ITSN2: variants seen among roughly 807,000 people sequenced by gnomAD.
ITSN2 encodes the protein intersectin 2.
In ITSN2, 156 loss-of-function variants were observed where a neutral mutation model predicts 243.7. The observed-to-expected ratio is 0.64, with a 90% CI of 0.56 to 0.73. The LOEUF (loss-of-function observed/expected upper bound fraction) is 0.73, where lower values mean the gene tolerates loss of function less well. Ranked by LOEUF, ITSN2 falls within the 30% of genes least tolerant of loss-of-function variation. ITSN2 has a pLI of 0.00. For synonymous variants in ITSN2, 703 were observed against 699.9 expected (o/e 1.00, Z -0.07); for missense variants, 1,801 against 1,996.1 (o/e 0.90, Z 1.86).
At chr2:24,314,100 G>C (rs183566161) in intron 3 of ITSN2, among the ~76,000 whole-genome samples, 58 of 152,146 alleles carry the variant, frequency 3.8e-4, no homozygotes, top group South Asian at 2.3e-3. Context: ...TTCCTCTCCT[G>C]TAACACAATC....
At chr2:24,238,852 A>G (rs1279039613) in intron 29 of ITSN2, 1 of 152,222 alleles carries the variant, frequency 6.6e-6, no homozygotes, top group East Asian at 1.9e-4. Context: ...GACATTCCAA[A>G]GACATTTAAT....
intron 2 of ITSN2, among the ~76,000 whole-genome samples, chr2:24,325,388 C>A (rs1328181595): frequency 6.6e-6 from 1 of 152,006 alleles, no homozygotes; most frequent in Non-Finnish European, 1.5e-5. Context: ...CCAACCTGGG[C>A]AACAGAGTGG....
In ITSN2 at chr2:24,350,893, T is replaced by A. The variant is rs1048744266; in HGVS notation, c.-34+9411A>T. ...TGCCATTGGGTATAGGAGGTTCTTTTAAGAACGACGAAAATGTTCTAAAAT... is the reference window on the plus strand; with the variant it reads ...TGCCATTGGGTATAGGAGGTTCTTTAAAGAACGACGAAAATGTTCTAAAAT... On this transcript the variant is annotated intron_variant, in intron 1 of 39. Transcript: ENST00000355123. Among the ~76,000 whole-genome samples, 4 of 152,182 alleles carry A rather than the reference T, an allele frequency of 2.6e-5. 1 individual carries two copies. The South Asian group carries it at 8.3e-4, about 32-fold the overall frequency.
intron 14 of ITSN2, among the ~76,000 whole-genome samples, chr2:24,294,769 T>C (rs1680728493): frequency 6.6e-6 from 1 of 152,220 alleles, no homozygotes; most frequent in East Asian, 1.9e-4. Context: ...GGTCTGAATG[T>C]TGGTATGTCC....
chr2:24,258,631 T>C (rs762635806), intron 22 of ITSN2, among the ~76,000 whole-genome samples: 6 of 152,192 alleles, frequency 3.9e-5, no homozygotes, highest in Admixed American at 6.5e-5. Context: ...CTCCAAGTCT[T>C]CTATTATACC....
intron 1 of ITSN2, among the ~76,000 whole-genome samples, chr2:24,354,232 T>C (rs1688257736): frequency 6.6e-6 from 1 of 152,222 alleles, no homozygotes; most frequent in South Asian, 2.1e-4. Context: ...TGGCCCAAGA[T>C]AAACCACACT....
At chr2:24,243,377 T>C (rs1441170213) in intron 29 of ITSN2, among the ~76,000 whole-genome samples, 1 of 152,110 alleles carries the variant, frequency 6.6e-6, no homozygotes, top group Non-Finnish European at 1.5e-5. Flanking sequence ...TAACATAGAA[T>C]CCAAAACCCC....
At position 24,270,703 on chromosome 2, in the gene ITSN2, C is replaced by T; in HGVS notation, c.2323G>A (p.Glu775Lys). 6.2e-7 allele frequency: 1 copy of T among 1,600,330 alleles called. No homozygotes were observed. The highest frequency in any genetic ancestry group is 1.1e-5 in the South Asian group (1 of 89,934). The stretch of plus-strand genomic sequence containing the variant: ...ATATCTCCAGAATTAAAACTCATCT[C>T]ATCATGGTTCCTTGCTTCAAAGGGG... ...LYPFEARNHD[E>K]MSFNSGDIIQ... Residue 775 changes from glutamate (E) to lysine (K), a missense_variant, in exon 20 of 40, where the codon GAG becomes AAG. Coordinates refer to ENST00000355123, the MANE Select transcript of ITSN2 (RefSeq NM_006277.3).
At chr2:24,287,949 G>A (rs1447000485) in intron 15 of ITSN2, among the ~76,000 whole-genome samples, 1 of 152,064 alleles carries the variant, frequency 6.6e-6, no homozygotes, top group East Asian at 1.9e-4. Context: ...CCACTTATCA[G>A]ATACATGGCT....
chr2:24,332,454 G>A (rs919875950), intron 1 of ITSN2, among the ~76,000 whole-genome samples: 3 of 151,918 alleles, frequency 2.0e-5, no homozygotes, highest in Non-Finnish European at 4.4e-5. Context: ...TAATATTACT[G>A]GCAATAAGGG....
At position 24,275,769 on chromosome 2, in the gene ITSN2, A is replaced by C; in HGVS notation, c.2025T>G (p.Ile675Met). ...YKIKRDKLKEIERKRLELMQK... is the reference protein window; with the variant it reads ...YKIKRDKLKEMERKRLELMQK... ...GCATTAGTTCTAATCTTTTCCTTTCAATTTCCTTCAACTTGTCACGTTTGA... is the reference window on the plus strand; with the variant it reads ...GCATTAGTTCTAATCTTTTCCTTTCCATTTCCTTCAACTTGTCACGTTTGA... Residue 675 changes from isoleucine to methionine, a missense_variant, in exon 18 of 40, where the codon ATT becomes ATG. Physicochemically the swap from Ile to Met is conservative, Grantham distance 10. This residue lies in a region of ITSN2 where 787 missense variants were observed against 803.9 expected (regional missense o/e 0.98). Coordinates refer to ENST00000355123, the MANE Select transcript of ITSN2 (RefSeq NM_006277.3). 3 of 1,612,364 alleles carry C rather than the reference A, an allele frequency of 1.9e-6. No homozygotes were observed. Among genetic ancestry groups the C allele is most frequent in the Non-Finnish European group, 2.5e-6 (3 of 1,178,684 alleles).
At chr2:24,317,708 CTG>C (rs1381341985) in intron 2 of ITSN2, among the ~76,000 whole-genome samples, 9 of 152,358 alleles carry the variant, frequency 5.9e-5, no homozygotes, top group African/African-American at 2.2e-4. Flanking sequence ...ATTGAATTGT[CTG>C]TGTCACCTAT....
intron 1 of ITSN2, among the ~76,000 whole-genome samples, chr2:24,349,118 T>G (rs1321310273): frequency 6.3e-5 from 1 of 15,906 alleles, no homozygotes; most frequent in Non-Finnish European, 1.9e-4. Context: ...ACAATAATCA[T>G]CATCATCATC....
At chr2:24,303,933 A>T (rs928055783) in intron 8 of ITSN2, 71 bp from the exon 9 acceptor site, 1 of 1,037,268 alleles carries the variant, frequency 9.6e-7, no homozygotes, top group African/African-American at 1.6e-5. Flanking sequence ...AATTAGCTGT[A>T]TCTGTAAAAT....
Position 24,334,215 on chromosome 2 carries a change from C to T in ITSN2, c.-33-6100G>A, listed in dbSNP as rs557601680. On this transcript the variant is annotated intron_variant, in intron 1 of 39. Transcript: ENST00000355123. ...CTGGGATTACAGGTGCCCAGCACCG[C>T]GCCCAGCTAATTTTTGTATTATTAG... is the stretch of plus-strand genomic sequence containing the variant. 9.9e-5 allele frequency among the ~76,000 whole-genome samples: 15 copies of T among 152,256 alleles called. No individual in the cohort carries two copies. In the South Asian group the frequency reaches 1.7e-3, roughly 17 times the overall value.
At chr2:24,299,813 AC>A in intron 12 of ITSN2, 95 bp downstream of exon 12, 1 of 1,087,160 alleles carries the variant, frequency 9.2e-7, no homozygotes, top group African/African-American at 1.6e-5. Flanking sequence ...AAAAGGCAAA[AC>A]AAAAATTCAA....
At chr2:24,234,278 G>GAAAAA (rs56253321) in intron 29 of ITSN2, among the ~76,000 whole-genome samples, 1 of 145,390 alleles carries the variant, frequency 6.9e-6, no homozygotes, top group Non-Finnish European at 1.5e-5. Context: ...ATCCAAATGC[G>GAAAAA]AAAAAAAAAA....
In ITSN2 at chr2:24,261,575, G is replaced by A; in HGVS notation, c.2523C>T (p.Thr841=). 1.2e-6 allele frequency: 2 copies of A among 1,611,584 alleles called. No homozygotes were observed. Among genetic ancestry groups the A allele is most frequent in the South Asian group, 1.1e-5 (1 of 90,680 alleles). Residue 841 remains threonine (T), a synonymous_variant, in exon 21 of 40, where the codon ACC becomes ACT. Coordinates refer to ENST00000355123, the MANE Select transcript of ITSN2 (RefSeq NM_006277.3). ...TAAAAACTTACTCAGAGGAAGTTGA[G>A]GTAGCAGATAAAGAAACTGTAGGAG... ...LLPPTVSLSA[T]STSSEPLSSN... is the part of the protein sequence containing the mutation.
Position 24,313,082 on chromosome 2 carries a change from C to CTT in ITSN2, c.188+376_188+377dup, listed in dbSNP as rs11442221. 5.1e-4 allele frequency among the ~76,000 whole-genome samples: 69 copies of CTT among 133,998 alleles called. 1 individual carries two copies. Among genetic ancestry groups the CTT allele is most frequent in the Non-Finnish European group, 6.2e-4 (39 of 62,590 alleles). The allele number at this position is 133,998 out of a possible 152,430, so 87.9% of individuals were successfully genotyped here. On this transcript the variant is annotated intron_variant, in intron 4 of 39. Transcript: ENST00000355123. Reference sequence around the variant, plus strand: ...ATTTTCCAAAAAACTGAAGAAATACCTTTTTTTTTTTTTTTTTTCTAAAGA... The same window carrying CTT: ...ATTTTCCAAAAAACTGAAGAAATACCTTTTTTTTTTTTTTTTTTTTCTAAAGA...
Sources: gnomAD v4.1 joint callset for allele counts (sites outside exome capture counted in the v4.1 genomes callset) on GRCh38, gnomAD v4.1.1 for gene constraint, gnomAD v4.1.1 regional missense constraint, MANE v1.5 for transcripts, NCBI Gene and HGNC (gene_info 2026-07-23, HGNC 2026-07-21) for gene names.